The following PIAS2 variants were observed in gnomAD, a reference collection of about 807,000 sequenced individuals.
PIAS2 encodes protein inhibitor of activated STAT 2, also known as E3 SUMO-protein ligase PIAS2.
In PIAS2, 19 loss-of-function variants were observed where a neutral mutation model predicts 69.7. That is an observed-to-expected ratio of 0.27 (90% CI 0.19 to 0.40). The LOEUF is 0.40. Among genes scored for constraint, PIAS2 ranks in the 10% least tolerant of loss-of-function variants. The pLI, the probability that PIAS2 is intolerant of heterozygous loss-of-function variation, is 1.00. For synonymous variants in PIAS2, 261 were observed against 263.2 expected (o/e 0.99, Z 0.08); for missense variants, 624 against 757.0 (o/e 0.82, Z 2.06).
chr18:46,877,660 T>A (rs1392243587), intron 2 of PIAS2, among the ~76,000 whole-genome samples: 1 of 152,152 alleles, frequency 6.6e-6, no homozygotes, highest in African/African-American at 2.4e-5. Context: ...TCAGTGTAGA[T>A]TGTGCAGTCT....
intron 5 of PIAS2, among the ~76,000 whole-genome samples, chr18:46,850,623 T>TA (rs2046822203): frequency 1.3e-5 from 2 of 152,172 alleles, no homozygotes; most frequent in African/African-American, 4.8e-5. Flanking sequence ...TGCTACATCA[T>TA]AAGGCACAGA....
intron 9 of PIAS2, among the ~76,000 whole-genome samples, chr18:46,831,270 T>A (rs2043576906): frequency 6.6e-6 from 1 of 152,164 alleles, no homozygotes; most frequent in South Asian, 2.1e-4. Context: ...ATCACAAAAA[T>A]TTTTTAAATA....
intron 9 of PIAS2, 97 bp from the exon 10 acceptor site, chr18:46,829,964 G>A: frequency 9.6e-7 from 1 of 1,039,126 alleles, no homozygotes; most frequent in South Asian, 1.6e-5. Context: ...CATAAGTAAT[G>A]TTAGCTGACC....
intron 11 of PIAS2, chr18:46,827,531 A>G (rs2042995866): frequency 6.4e-6 from 1 of 155,344 alleles, no homozygotes. Flanking sequence ...GCTCCATTTA[A>G]CAGAACACAA....
intron 2 of PIAS2, among the ~76,000 whole-genome samples, chr18:46,884,375 C>T (rs2052788273): frequency 1.3e-5 from 2 of 151,856 alleles, no homozygotes; most frequent in Non-Finnish European, 1.5e-5. Context: ...TGCAGTGGCT[C>T]GATCTAGGCT....
chr18:46,849,138 T>C (rs2046594902), intron 5 of PIAS2, among the ~76,000 whole-genome samples: 2 of 152,288 alleles, frequency 1.3e-5, no homozygotes, highest in South Asian at 4.1e-4. Context: ...CATAACACTG[T>C]CTGACACAGT....
chr18:46,917,580 A>G, upstream of PIAS2: 1 of 1,064,872 alleles, frequency 9.4e-7, no homozygotes, highest in Non-Finnish European at 1.1e-6. Context: ...CACCCGCGCG[A>G]CCGCCTTCCG....
chr18:46,818,543 A>G, intron 12 of PIAS2: 2 of 1,054,052 alleles, frequency 1.9e-6, no homozygotes, highest in Non-Finnish European at 2.5e-6. Context: ...TGTTCTATTT[A>G]ATATTTTATT....
At position 46,808,170 on chromosome 18, in the gene PIAS2, C is replaced by A. The variant is rs574761520; in HGVS notation, c.*4263G>T. 12 of 152,146 alleles carry A rather than the reference C, an allele frequency of 7.9e-5. No homozygotes were observed. The highest frequency in any genetic ancestry group is 2.7e-4 in the African/African-American group (11 of 41,508). 9.4% of individuals were successfully genotyped at this position (152,146 alleles called of 1,614,324 possible). ...GCCTGTAGGTTGCGGGGAAAAACCC[C>A]AAGATATAAATTACACTGAGAATGA... On this transcript the variant is annotated 3_prime_UTR_variant, in exon 14 of 14. Transcript: ENST00000585916.
At chr18:46,877,659 A>C (rs921126584) in intron 2 of PIAS2, among the ~76,000 whole-genome samples, 15 of 152,148 alleles carry the variant, frequency 9.9e-5, no homozygotes, top group African/African-American at 2.9e-4. Flanking sequence ...GTCAGTGTAG[A>C]TTGTGCAGTC....
At chr18:46,915,069 A>AC (rs2057667147) in intron 1 of PIAS2, 1 of 151,944 alleles carries the variant, frequency 6.6e-6, no homozygotes, top group South Asian at 2.1e-4. Context: ...CTCCACCTAG[A>AC]CCCCAAGGTA....
In PIAS2 at chr18:46,829,841, C is replaced by G. The variant is rs975675368; in HGVS notation, c.1229G>C (p.Cys410Ser). 4.3e-6 allele frequency: 7 copies of G among 1,612,664 alleles called. No individual in the cohort carries two copies. The highest frequency in any genetic ancestry group is 1.3e-5 in the African/African-American group (1 of 74,956). The change falls in exon 10 of 14, where the codon TGT (cysteine) becomes TCT (serine). Residue 410 changes from cysteine (C) to serine (S), a missense_variant. By Grantham distance (112) the Cys-to-Ser change is moderately radical. Coordinates refer to ENST00000585916, the MANE Select transcript of PIAS2 (RefSeq NM_004671.5). ...DGLFMEILND[C>S]SDVDEIKFQE... is the part of the protein sequence containing the mutation. ...GAATTTGATCTCATCTACATCAGAA[C>G]AGTCATTGAGAATTTCCATAAAAAG... is the stretch of plus-strand genomic sequence containing the variant.
At chr18:46,882,892 G>C (rs1237166399) in intron 2 of PIAS2, among the ~76,000 whole-genome samples, 1 of 152,042 alleles carries the variant, frequency 6.6e-6, no homozygotes, top group Non-Finnish European at 1.5e-5. Context: ...GGTTTTAAGA[G>C]ACCAGCCTGG....
In PIAS2 at chr18:46,821,054, T is replaced by A. The variant is rs745803853; in HGVS notation, c.1527A>T (p.Pro509=). 1.2e-6 allele frequency: 2 copies of A among 1,613,354 alleles called. No homozygotes were observed. The highest frequency in any genetic ancestry group is 4.5e-5 in the East Asian group (2 of 44,872). The change falls in exon 12 of 14, where the codon CCA becomes CCT. Residue 509 remains proline, a synonymous_variant. Coordinates refer to ENST00000585916, the MANE Select transcript of PIAS2 (RefSeq NM_004671.5). The part of the protein sequence containing the change: ...SPTKGVLMYQ[P]SSVRVPSVTS... Reference sequence around the variant, plus strand: ...TCACACTGGGCACCCTTACAGAAGATGGCTGATACATGAGAACCCTGTTTT... The same window carrying A: ...TCACACTGGGCACCCTTACAGAAGAAGGCTGATACATGAGAACCCTGTTTT...
At chr18:46,894,429 G>A (rs2054535004) in intron 1 of PIAS2, among the ~76,000 whole-genome samples, 1 of 152,082 alleles carries the variant, frequency 6.6e-6, no homozygotes, top group South Asian at 2.1e-4. Flanking sequence ...ACCAACCTCT[G>A]ATGTTGGTAT....
chr18:46,830,023 C>T (rs1045861938), intron 9 of PIAS2, among the ~76,000 whole-genome samples, 156 bp from the exon 10 acceptor site: 2 of 152,136 alleles, frequency 1.3e-5, no homozygotes, highest in Admixed American at 6.5e-5. Context: ...ACAATTATTA[C>T]ACTCCCTTTG....
chr18:46,896,444 A>G (rs991913684), intron 1 of PIAS2, among the ~76,000 whole-genome samples: 5 of 152,226 alleles, frequency 3.3e-5, no homozygotes, highest in Non-Finnish European at 7.3e-5. Context: ...CAAACAAGAC[A>G]GCTTCATGAA....
intron 2 of PIAS2, among the ~76,000 whole-genome samples, chr18:46,872,775 G>A (rs1331162596): frequency 2.6e-5 from 4 of 152,130 alleles, no homozygotes; most frequent in Non-Finnish European, 4.4e-5. Context: ...GTTGGGTATT[G>A]CTGACTATGG....
intron 9 of PIAS2, 95 bp downstream of exon 9, chr18:46,836,262 T>C (rs1365710293): frequency 1.1e-6 from 1 of 885,350 alleles, no homozygotes; most frequent in Non-Finnish European, 1.8e-6. Flanking sequence ...GAGTAGAATT[T>C]ATTTAGAATT....
Sources: allele counts gnomAD v4.1 joint callset (sites outside exome capture counted in the v4.1 genomes callset), GRCh38; gene constraint gnomAD v4.1.1; transcripts MANE v1.5; gene names NCBI Gene and HGNC (gene_info 2026-07-23, HGNC 2026-07-21).